Variants in MAGI2 observed in about 807,000 individuals in gnomAD.
The protein encoded by MAGI2 is membrane associated guanylate kinase, WW and PDZ domain containing 2.
MAGI2 carries 35 observed loss-of-function variants against 133.3 expected under a neutral mutation model. That is an observed-to-expected ratio of 0.26 (90% CI 0.20 to 0.35). The LOEUF is 0.35. Ranked by LOEUF, MAGI2 falls within the 10% of genes least tolerant of loss-of-function variation. MAGI2 has a pLI of 1.00. For missense variants in MAGI2, 1,636 were observed against 1,863.4 expected, an observed-to-expected ratio of 0.88 and a Z score of 2.25; for synonymous variants, 729 against 710.6, an observed-to-expected ratio of 1.03 and a Z score of -0.41.
At chr7:79,306,324 G>GTA (rs4020441) in intron 1 of MAGI2, among the ~76,000 whole-genome samples, 26,507 of 143,216 alleles carry the variant, frequency 0.19, 2,875 homozygotes, top group East Asian at 0.34. Flanking sequence ...ATATATATGT[G>GTA]TATATATATA....
intron 1 of MAGI2, among the ~76,000 whole-genome samples, chr7:79,310,687 TCC>T (rs1838212538): frequency 6.6e-6 from 1 of 151,980 alleles, no homozygotes; most frequent in South Asian, 2.1e-4. Context: ...AGAAAAGAAT[TCC>T]CAAACATTCC....
chr7:79,261,543 G>A (rs1450149531), intron 1 of MAGI2, among the ~76,000 whole-genome samples: 2 of 152,076 alleles, frequency 1.3e-5, no homozygotes, highest in African/African-American at 4.8e-5. Flanking sequence ...TTGCTCAAAT[G>A]CCATCTTCTC....
rs528111990 is a variant in MAGI2 at position 78,380,737 on chromosome 7, G to T, written c.1046-11524C>A. Among the ~76,000 whole-genome samples the T allele has an allele frequency of 7.2e-5, 11 of 152,208 alleles. No homozygotes were observed. The East Asian group carries it at 1.7e-3, about 24-fold the overall frequency. On this transcript the variant is annotated intron_variant, in intron 6 of 21. Coordinates refer to ENST00000354212, the MANE Select transcript of MAGI2 (RefSeq NM_012301.4). ...ATTGTACATTTAAAAATAACCAAAA[G>T]AATATAATTAAAATGCTTGTAACAC...
chr7:79,402,163 G>A (rs551964800), intron 1 of MAGI2, among the ~76,000 whole-genome samples: 2 of 151,990 alleles, frequency 1.3e-5, no homozygotes, highest in South Asian at 4.2e-4. Context: ...ATAGTTCTAG[G>A]AAAATAGCTA....
At chr7:78,462,915 C>G (rs2110873) in intron 6 of MAGI2, among the ~76,000 whole-genome samples, 62,717 of 152,116 alleles carry the variant, frequency 0.41, 15,733 homozygotes, top group Middle Eastern at 0.6. Context: ...TGCTCTCATT[C>G]AGCACACGCA....
rs1329889058 is a variant in MAGI2, at chr7:78,800,014, C to A, written c.419-172775G>T. On this transcript the variant is annotated intron_variant, in intron 2 of 21. Coordinates refer to ENST00000354212, the MANE Select transcript of MAGI2 (RefSeq NM_012301.4). The stretch of plus-strand genomic sequence containing the variant: ...ATTACACAAAATGGATATTTTAACA[C>A]TTTATAGGCAATTTGATTAAACTTG... 1.3e-5 allele frequency among the ~76,000 whole-genome samples: 2 copies of A among 152,098 alleles called. 1 individual carries two copies.
chr7:78,231,408 C>T (rs566094700), intron 10 of MAGI2, among the ~76,000 whole-genome samples: 90 of 152,302 alleles, frequency 5.9e-4, no homozygotes, highest in African/African-American at 1.9e-3. Flanking sequence ...CTGGCCCCTG[C>T]GCTCTAAATG....
At chr7:78,704,778 CTTTT>C (rs762077849) in intron 2 of MAGI2, among the ~76,000 whole-genome samples, 1 of 47,346 alleles carries the variant, frequency 2.1e-5, no homozygotes, top group African/African-American at 6.7e-5. Flanking sequence ...GGCCATTATT[CTTTT>C]TTTTTTTTTT....
At chr7:79,180,656 CA>C (rs1412357099) in intron 1 of MAGI2, among the ~76,000 whole-genome samples, 1 of 151,952 alleles carries the variant, frequency 6.6e-6, no homozygotes, top group Non-Finnish European at 1.5e-5. Context: ...CTCATGTCCT[CA>C]CATTTCAAAA....
intron 2 of MAGI2, among the ~76,000 whole-genome samples, chr7:78,635,881 G>A (rs1019281443): frequency 5.3e-5 from 8 of 152,160 alleles, no homozygotes; most frequent in Admixed American, 4.6e-4. Context: ...CCTAGGCCTT[G>A]GGTTTTATTA....
At chr7:79,032,052 A>G (rs1391757553) in intron 1 of MAGI2, among the ~76,000 whole-genome samples, 2 of 152,188 alleles carry the variant, frequency 1.3e-5, no homozygotes, top group Non-Finnish European at 2.9e-5. Flanking sequence ...TTTAGCCCTC[A>G]GTTGAGCTAT....
At chr7:79,164,433 A>G (rs2129548011) in intron 1 of MAGI2, among the ~76,000 whole-genome samples, 1 of 152,154 alleles carries the variant, frequency 6.6e-6, no homozygotes, top group South Asian at 2.1e-4. Context: ...AAGAATCACT[A>G]TTCTGTTAAA....
chr7:79,196,423 GC>G (rs1249847983), intron 1 of MAGI2, among the ~76,000 whole-genome samples: 3 of 151,942 alleles, frequency 2.0e-5, no homozygotes, highest in East Asian at 1.9e-4. Flanking sequence ...GTATTCACCT[GC>G]TATATTTCAA....
chr7:79,405,561 T>C (rs1845749603), intron 1 of MAGI2, among the ~76,000 whole-genome samples: 1 of 152,124 alleles, frequency 6.6e-6, no homozygotes. Flanking sequence ...TACTCTACAG[T>C]CCATTGCACA....
chr7:78,441,872 A>G (rs567640160), intron 6 of MAGI2, among the ~76,000 whole-genome samples: 100 of 152,204 alleles, frequency 6.6e-4, no homozygotes, highest in African/African-American at 2.3e-3. Context: ...TTAGCCTCAC[A>G]TCTCTTTCAT....
At chr7:78,267,822 A>C (rs1794166768) in intron 9 of MAGI2, among the ~76,000 whole-genome samples, 1 of 152,194 alleles carries the variant, frequency 6.6e-6, no homozygotes, top group Admixed American at 6.5e-5. Flanking sequence ...GGGAAATATA[A>C]AGCAATTTCA....
intron 3 of MAGI2, among the ~76,000 whole-genome samples, chr7:78,536,176 G>C (rs1312657660): frequency 1.5e-5 from 2 of 136,756 alleles, no homozygotes; most frequent in Admixed American, 7.5e-5. Context: ...GCAGTGGCGG[G>C]ATCTCGGCTC....
At chr7:78,275,456 G>A (rs946958644) in intron 9 of MAGI2, among the ~76,000 whole-genome samples, 3 of 151,936 alleles carry the variant, frequency 2.0e-5, no homozygotes, top group Admixed American at 2.0e-4. Context: ...CACAAGTTGT[G>A]GCCCATAGGG....
intron 2 of MAGI2, among the ~76,000 whole-genome samples, chr7:78,825,446 T>C (rs996517291): frequency 6.6e-6 from 1 of 152,226 alleles, no homozygotes; most frequent in Admixed American, 6.5e-5. Context: ...AGTGTTTTAA[T>C]TACAATAGTG....
Sources: allele counts gnomAD v4.1 joint callset (sites outside exome capture counted in the v4.1 genomes callset), GRCh38; gene constraint gnomAD v4.1.1; transcripts MANE v1.5; gene names NCBI Gene and HGNC (gene_info 2026-07-23, HGNC 2026-07-21).